ATG4C: variants seen among roughly 807,000 people sequenced by gnomAD.
ATG4C encodes cysteine protease ATG4C.
A neutral mutation model predicts 57.6 loss-of-function variants in ATG4C; 56 were observed. That is an observed-to-expected ratio of 0.97 (90% CI 0.78 to 1.21). ATG4C has a LOEUF of 1.21. Ranked by LOEUF, ATG4C falls within the 50% of genes most tolerant of loss-of-function variation. ATG4C has a pLI of 0.00. For synonymous variants in ATG4C, 157 were observed against 174.1 expected (o/e 0.90, Z 0.78); for missense variants, 595 against 529.8 (o/e 1.12, Z -1.21).
At chr1:62,794,442 C>A (rs933452938) in intron 1 of ATG4C, among the ~76,000 whole-genome samples, 1 of 152,144 alleles carries the variant, frequency 6.6e-6, no homozygotes, top group East Asian at 1.9e-4. Context: ...GGATGTGATC[C>A]TGAGGAGTCC....
At chr1:62,856,105 T>G (rs950284865) in intron 10 of ATG4C, among the ~76,000 whole-genome samples, 1 of 152,214 alleles carries the variant, frequency 6.6e-6, no homozygotes, top group African/African-American at 2.4e-5. Flanking sequence ...CTAGGACAGT[T>G]ACTCCCATTT....
chr1:62,814,836 A>C (rs1665211726), intron 3 of ATG4C, among the ~76,000 whole-genome samples: 1 of 152,192 alleles, frequency 6.6e-6, no homozygotes, highest in Admixed American at 6.6e-5. Context: ...AGTCCAAGGC[A>C]AGTGGATTAC....
intron 3 of ATG4C, among the ~76,000 whole-genome samples, chr1:62,813,759 A>G (rs1486502570): frequency 6.6e-6 from 1 of 152,228 alleles, no homozygotes; most frequent in Non-Finnish European, 1.5e-5. Context: ...ACAAGAAAAA[A>G]ACAATCCCAT....
intron 10 of ATG4C, among the ~76,000 whole-genome samples, chr1:62,854,453 A>G (rs1372496370): frequency 6.6e-6 from 1 of 151,160 alleles, no homozygotes; most frequent in African/African-American, 2.4e-5. Context: ...AATTTTTTGT[A>G]TTTTTAGTAG....
Position 62,852,400 on chromosome 1 carries a change from A to G in ATG4C, c.1209+10853A>G, listed in dbSNP as rs190318610. ...TTCTTCATGAACATTATAATCACAC[A>G]ATGTTGAACAAAATGACATTATTTG... On this transcript the variant is annotated intron_variant, in intron 10 of 10. Coordinates refer to ENST00000317868, the MANE Select transcript of ATG4C (RefSeq NM_032852.4). Among the ~76,000 whole-genome samples, 484 of 152,276 alleles carry G rather than the reference A, an allele frequency of 3.2e-3. 3 individuals are homozygous for G. The highest frequency in any genetic ancestry group is 0.011 in the African/African-American group (466 of 41,554).
chr1:62,815,005 C>T (rs1387822364), intron 3 of ATG4C, among the ~76,000 whole-genome samples: 1 of 152,122 alleles, frequency 6.6e-6, no homozygotes, highest in East Asian at 1.9e-4. Flanking sequence ...GCAGAGATTG[C>T]AGTAAGTCAA....
intron 10 of ATG4C, among the ~76,000 whole-genome samples, chr1:62,861,875 A>G (rs1467147052): frequency 6.6e-6 from 1 of 152,042 alleles, no homozygotes; most frequent in East Asian, 1.9e-4. Context: ...GTATTTTTTC[A>G]TTTGGATATT....
intron 4 of ATG4C, among the ~76,000 whole-genome samples, chr1:62,818,295 A>G (rs995772092): frequency 3.9e-5 from 6 of 152,162 alleles, no homozygotes; most frequent in African/African-American, 1.4e-4. Flanking sequence ...CCATGGTCAG[A>G]CTTCTATTTT....
Position 62,834,087 on chromosome 1 carries a change from A to T in ATG4C, c.983A>T (p.Lys328Ile). 1 of 1,612,952 alleles carries T rather than the reference A, an allele frequency of 6.2e-7. No homozygotes were observed. The highest frequency in any genetic ancestry group is 1.1e-5 in the South Asian group (1 of 90,956). Residue 328 changes from lysine (K) to isoleucine (I), a missense_variant, in exon 8 of 11, where the codon AAA becomes ATA. By Grantham distance (102) the Lys-to-Ile change is moderately radical. Transcript: ENST00000317868. ...GTGGGTATTATTGGTGGCAAACCTA[A>T]ACAGTCATATTACTTTGCTGGATTT... Reference protein sequence around the residue: ...YCVGIIGGKPKQSYYFAGFQD... With the variant: ...YCVGIIGGKPIQSYYFAGFQD...
chr1:62,826,422 GA>G (rs1665657463), intron 6 of ATG4C, among the ~76,000 whole-genome samples: 1 of 151,174 alleles, frequency 6.6e-6, no homozygotes. Flanking sequence ...ATTTTTAGTA[GA>G]GACGGGGTTT....
chr1:62,836,944 A>AT (rs1276106181), intron 9 of ATG4C, among the ~76,000 whole-genome samples: 7 of 152,098 alleles, frequency 4.6e-5, no homozygotes, highest in South Asian at 2.1e-4. Context: ...AACAGATTGC[A>AT]TTTTTTGTTG....
At chr1:62,803,384 A>T (rs1434788656) in intron 1 of ATG4C, among the ~76,000 whole-genome samples, 2 of 152,168 alleles carry the variant, frequency 1.3e-5, no homozygotes, top group South Asian at 2.1e-4. Flanking sequence ...ACTTGCGCCA[A>T]TGCACCAGAG....
chr1:62,834,692 G>T, intron 8 of ATG4C, 84 bp from the exon 9 acceptor site: 1 of 1,131,148 alleles, frequency 8.8e-7, no homozygotes, highest in Non-Finnish European at 1.3e-6. Context: ...ATTTTTTTCA[G>T]CTGTTCTACA....
chr1:62,845,413 T>G (rs1304248231), intron 10 of ATG4C, among the ~76,000 whole-genome samples: 1 of 152,162 alleles, frequency 6.6e-6, no homozygotes, highest in African/African-American at 2.4e-5. Context: ...CCATTCATTC[T>G]TTTTCTCTAT....
At chr1:62,799,354 C>A (rs1047043068) in intron 1 of ATG4C, among the ~76,000 whole-genome samples, 1 of 152,114 alleles carries the variant, frequency 6.6e-6, no homozygotes, top group Non-Finnish European at 1.5e-5. Context: ...TTTAACCTTA[C>A]GAAAATAATT....
intron 1 of ATG4C, among the ~76,000 whole-genome samples, chr1:62,802,526 TCAA>T (rs1446749759): frequency 7.9e-5 from 12 of 151,806 alleles, no homozygotes; most frequent in African/African-American, 2.7e-4. Context: ...TAAGGGATAC[TCAA>T]CCTGTAGTGG....
At chr1:62,788,695 C>G (rs1453621160) in intron 1 of ATG4C, among the ~76,000 whole-genome samples, 2 of 151,894 alleles carry the variant, frequency 1.3e-5, no homozygotes, top group Non-Finnish European at 2.9e-5. Context: ...ACAAAAATAC[C>G]GAATCCAATT....
At chr1:62,807,943 G>A (rs574464777) in intron 3 of ATG4C, among the ~76,000 whole-genome samples, 46 of 152,224 alleles carry the variant, frequency 3.0e-4, no homozygotes, top group African/African-American at 1.0e-3. Context: ...TACCCTGTGG[G>A]GTCTGTGCTA....
chr1:62,784,357 G>A (rs1385358977), intron 1 of ATG4C, 84 bp downstream of exon 1: 1 of 152,282 alleles, frequency 6.6e-6, no homozygotes, highest in Non-Finnish European at 1.5e-5. Flanking sequence ...TTTCTTGCGG[G>A]GGTCCGCCTT....
Sources: gnomAD v4.1 joint callset for allele counts (sites outside exome capture counted in the v4.1 genomes callset) on GRCh38, gnomAD v4.1.1 for gene constraint, MANE v1.5 for transcripts, NCBI Gene and HGNC (gene_info 2026-07-23, HGNC 2026-07-21) for gene names.